The following CD99L2 variants were observed in gnomAD, a reference collection of about 807,000 sequenced individuals.
The protein encoded by CD99L2 is CD99 molecule like 2.
A neutral mutation model predicts 27.3 loss-of-function variants in CD99L2; 24 were observed. That is an observed-to-expected ratio of 0.88 (90% confidence interval 0.64 to 1.24). The LOEUF (loss-of-function observed/expected upper bound fraction) is 1.24. CD99L2 is among the 50% of genes most tolerant of loss of function. CD99L2 has a pLI of 0.00. For synonymous variants in CD99L2, 97 were observed against 87.9 expected, an observed-to-expected ratio of 1.10 and a Z score of -0.58; for missense variants, 255 against 221.6, an observed-to-expected ratio of 1.15 and a Z score of -0.96.
chrX:150,807,797 A>T (rs1162306781), intron 4 of CD99L2, among the ~76,000 whole-genome samples: 2 of 112,159 alleles, frequency 1.8e-5, no homozygotes, highest in African/African-American at 6.5e-5. Flanking sequence ...TTCATACTAC[A>T]TACATCCTGT....
chrX:150,833,967 A>AAAC (rs111742660), intron 1 of CD99L2, among the ~76,000 whole-genome samples: 21,451 of 111,132 alleles, frequency 0.19, 1,598 homozygotes, highest in Middle Eastern at 0.26. Context: ...ACAGCAAAGG[A>AAAC]AACAGAGTAA....
At chrX:150,793,215 G>A (rs782110247) in intron 7 of CD99L2, among the ~76,000 whole-genome samples, 36 of 111,950 alleles carry the variant, frequency 3.2e-4, no homozygotes, top group African/African-American at 1.1e-3. Context: ...GAACTCTCTT[G>A]AACTATTTTT....
Position 150,768,068 on chromosome X carries a change from G to A in CD99L2, c.*966C>T, listed in dbSNP as rs1053974555. On this transcript the variant is annotated 3_prime_UTR_variant, in exon 11 of 11. Transcript: ENST00000370377. ...CTGCGTTTCACTAAACCAAGCGAATGTCTCTTTCCCCTCTCCTCCCCCGCC... is the reference window on the plus strand; with the variant it reads ...CTGCGTTTCACTAAACCAAGCGAATATCTCTTTCCCCTCTCCTCCCCCGCC... 4.5e-5 allele frequency: 5 copies of A among 111,793 alleles called. No homozygotes were observed. Among genetic ancestry groups the A allele is most frequent in the Admixed American group, 9.4e-5 (1 of 10,615 alleles). 9.2% of individuals were successfully genotyped at this position (111,793 alleles called of 1,213,427 possible).
chrX:150,842,801 A>G (rs782355690), intron 1 of CD99L2, among the ~76,000 whole-genome samples: 2 of 112,125 alleles, frequency 1.8e-5, no homozygotes, highest in Non-Finnish European at 3.8e-5. Context: ...GCAGGTAACT[A>G]CTGTGTTTGA....
chrX:150,859,124 G>C (rs1243941242), intron 1 of CD99L2, among the ~76,000 whole-genome samples: 5 of 112,008 alleles, frequency 4.5e-5, no homozygotes, highest in Non-Finnish European at 9.4e-5. Flanking sequence ...TAAATTTCTA[G>C]AAACTACAAC....
intron 7 of CD99L2, 121 bp from the exon 8 acceptor site, chrX:150,777,603 A>C: frequency 1.4e-6 from 1 of 700,328 alleles, no homozygotes; most frequent in Non-Finnish European, 2.1e-6. Context: ...CAAGACCCCC[A>C]CCAGTGGATC....
At chrX:150,892,150 G>T (rs1272172162) in intron 1 of CD99L2, among the ~76,000 whole-genome samples, 1 of 110,630 alleles carries the variant, frequency 9.0e-6, no homozygotes, top group Non-Finnish European at 1.9e-5. Context: ...GAACCCAGGA[G>T]GCAGAGGTTG....
intron 3 of CD99L2, 61 bp from the exon 4 acceptor site, chrX:150,814,997 T>A: frequency 8.7e-7 from 1 of 1,147,522 alleles, no homozygotes; most frequent in Non-Finnish European, 1.2e-6. Context: ...GGTATAAGAT[T>A]CCAAAATAAG....
intron 1 of CD99L2, among the ~76,000 whole-genome samples, chrX:150,857,932 C>T (rs1557421804): frequency 8.9e-6 from 1 of 111,949 alleles, no homozygotes; most frequent in African/African-American, 3.2e-5. Flanking sequence ...CAACTATGTG[C>T]TGCCTATAAG....
At chrX:150,778,685 A>AATATATATATATAT (rs374603167) in intron 7 of CD99L2, among the ~76,000 whole-genome samples, 1 of 81,534 alleles carries the variant, frequency 1.2e-5, no homozygotes, top group African/African-American at 4.9e-5. Flanking sequence ...AAAAAAAAAA[A>AATATATATATATAT]ATATATATAT....
At chrX:150,849,398 A>T (rs2046755068) in intron 1 of CD99L2, among the ~76,000 whole-genome samples, 1 of 111,156 alleles carries the variant, frequency 9.0e-6, no homozygotes, top group African/African-American at 3.3e-5. Flanking sequence ...TAAAATTTTT[A>T]AAAAATTAAA....
intron 1 of CD99L2, among the ~76,000 whole-genome samples, chrX:150,863,321 C>T (rs1486129028): frequency 1.8e-5 from 2 of 112,376 alleles, no homozygotes; most frequent in Admixed American, 1.9e-4. Context: ...TAGGGATCAA[C>T]TCTGTCCACA....
At chrX:150,846,797 C>T (rs2046710213) in intron 1 of CD99L2, among the ~76,000 whole-genome samples, 1 of 111,767 alleles carries the variant, frequency 8.9e-6, no homozygotes, top group African/African-American at 3.3e-5. Context: ...AACTGAGGCA[C>T]AAGAATGTAA....
At chrX:150,773,472 G>C (rs1557419166) in intron 9 of CD99L2, among the ~76,000 whole-genome samples, 2 of 112,686 alleles carry the variant, frequency 1.8e-5, no homozygotes, top group African/African-American at 6.4e-5. Context: ...CCATCCTTTG[G>C]CCTGGCCATC....
intron 1 of CD99L2, among the ~76,000 whole-genome samples, chrX:150,890,552 C>T (rs1220749967): frequency 8.9e-6 from 1 of 112,074 alleles, no homozygotes; most frequent in East Asian, 2.8e-4. Flanking sequence ...AAAAACAACA[C>T]TGGTTGAAGT....
At chrX:150,894,926 C>T (rs2047582379) in intron 1 of CD99L2, among the ~76,000 whole-genome samples, 1 of 111,474 alleles carries the variant, frequency 9.0e-6, no homozygotes, top group African/African-American at 3.3e-5. Context: ...TCTCACATTC[C>T]TATTACCTGC....
intron 1 of CD99L2, among the ~76,000 whole-genome samples, chrX:150,862,568 T>G (rs1172032448): frequency 2.7e-5 from 3 of 112,198 alleles, no homozygotes; most frequent in Non-Finnish European, 5.6e-5. Context: ...CCTTTTAACC[T>G]CCAGAATGCA....
intron 2 of CD99L2, chrX:150,829,595 C>A (rs2046411195): frequency 3.3e-6 from 1 of 301,619 alleles, no homozygotes; most frequent in Non-Finnish European, 6.4e-6. Flanking sequence ...GTGGTACATT[C>A]CTAAGGCAGC....
intron 1 of CD99L2, among the ~76,000 whole-genome samples, chrX:150,831,813 C>A (rs2046449040): frequency 9.0e-6 from 1 of 111,674 alleles, no homozygotes. Context: ...CAAAGAAGGT[C>A]ATTATATGCT....
Sources: gnomAD v4.1 joint callset for allele counts (sites outside exome capture counted in the v4.1 genomes callset) on GRCh38, gnomAD v4.1.1 for gene constraint, MANE v1.5 for transcripts, NCBI Gene and HGNC (gene_info 2026-07-23, HGNC 2026-07-21) for gene names.